The following KCNJ6 variants were observed in gnomAD, a reference collection of about 807,000 sequenced individuals.
The protein encoded by KCNJ6 is potassium inwardly rectifying channel subfamily J member 6.
A neutral mutation model predicts 34.2 loss-of-function variants in KCNJ6; 9 were observed. That is an observed-to-expected ratio of 0.26 (90% CI 0.16 to 0.46). The LOEUF is 0.46. Among genes scored for constraint, KCNJ6 ranks in the 20% least tolerant of loss-of-function variants. KCNJ6 has a pLI of 1.00. For synonymous variants in KCNJ6, 196 were observed against 207.1 expected (o/e 0.95, Z 0.46); for missense variants, 236 against 531.3 (o/e 0.44, Z 5.46).
intron 2 of KCNJ6, among the ~76,000 whole-genome samples, chr21:37,785,908 C>T (rs1227475932): frequency 1.3e-5 from 2 of 152,228 alleles, no homozygotes; most frequent in East Asian, 3.9e-4. Flanking sequence ...CATTTGAGGA[C>T]ACAGTGGGAA....
rs2054252027 is a variant in KCNJ6, at chr21:37,613,993, A to G, written c.*11166T>C. 1.3e-5 allele frequency: 2 copies of G among 152,218 alleles called. No homozygotes were observed. The highest frequency in any genetic ancestry group is 4.1e-4 in the South Asian group (2 of 4,826). The allele number at this position is 152,218 out of a possible 1,614,324, so 9.4% of individuals were successfully genotyped here. A position where few individuals can be genotyped will look rare whatever the true frequency, so the allele number is the denominator to read the frequency against. ...ATATCACTCGTGGGGGCGGCCATGC[A>G]TGCGGGGGCCGGGGGTAAATGAGAG... On this transcript the variant is annotated 3_prime_UTR_variant, in exon 4 of 4. Coordinates refer to ENST00000609713, the MANE Select transcript of KCNJ6 (RefSeq NM_002240.5).
intron 2 of KCNJ6, among the ~76,000 whole-genome samples, chr21:37,748,425 A>G (rs1331729850): frequency 1.3e-5 from 2 of 152,140 alleles, no homozygotes; most frequent in African/African-American, 4.8e-5. Flanking sequence ...GAGGACTGGG[A>G]TCCATGGTTC....
chr21:37,837,407 T>A (rs1334185251), intron 2 of KCNJ6, among the ~76,000 whole-genome samples: 1 of 152,208 alleles, frequency 6.6e-6, no homozygotes, highest in Admixed American at 6.5e-5. Flanking sequence ...AAAAAAATGA[T>A]CGAAGTTGAC....
At chr21:37,625,674 G>T (rs2054307670) in intron 3 of KCNJ6, among the ~76,000 whole-genome samples, 190 bp from the exon 4 acceptor site, 1 of 152,236 alleles carries the variant, frequency 6.6e-6, no homozygotes, top group Non-Finnish European at 1.5e-5. Context: ...GGCCTCTTAA[G>T]GGAGTCCTGG....
intron 3 of KCNJ6, among the ~76,000 whole-genome samples, chr21:37,636,098 G>A (rs1395982190): frequency 6.6e-6 from 1 of 152,174 alleles, no homozygotes; most frequent in Non-Finnish European, 1.5e-5. Context: ...GGAGAGGATG[G>A]ACACCCATCT....
intron 3 of KCNJ6, among the ~76,000 whole-genome samples, chr21:37,664,792 C>CTT (rs10594512): frequency 2.6e-4 from 26 of 100,968 alleles, no homozygotes; most frequent in Non-Finnish European, 3.3e-4. Flanking sequence ...AAGAATATTC[C>CTT]TTTTTTTTTT....
intron 3 of KCNJ6, among the ~76,000 whole-genome samples, chr21:37,713,103 C>T (rs1458209511): frequency 6.6e-6 from 1 of 152,080 alleles, no homozygotes; most frequent in African/African-American, 2.4e-5. Context: ...GAGGTTGTGA[C>T]CTTGCCTGTT....
At chr21:37,690,816 G>A (rs2054636360) in intron 3 of KCNJ6, among the ~76,000 whole-genome samples, 1 of 132,874 alleles carries the variant, frequency 7.5e-6, no homozygotes, top group Non-Finnish European at 1.6e-5. Context: ...GTCTTGCTCT[G>A]TTGCCCAGGC....
intron 2 of KCNJ6, among the ~76,000 whole-genome samples, chr21:37,749,237 G>A (rs73206038): frequency 3.0e-4 from 46 of 152,256 alleles, no homozygotes; most frequent in Non-Finnish European, 5.6e-4. Flanking sequence ...TTGCTCAGAG[G>A]GGGCAGAAGG....
At chr21:37,739,211 AT>A (rs1389233169) in intron 2 of KCNJ6, among the ~76,000 whole-genome samples, 19 of 152,256 alleles carry the variant, frequency 1.2e-4, no homozygotes, top group Admixed American at 1.3e-4. Context: ...GAAATAAAAT[AT>A]ATCATTATTT....
intron 2 of KCNJ6, among the ~76,000 whole-genome samples, chr21:37,725,250 G>T (rs2054848219): frequency 6.6e-6 from 1 of 152,092 alleles, no homozygotes; most frequent in South Asian, 2.1e-4. Flanking sequence ...AAAATTAGCT[G>T]GGCATGGTGG....
intron 2 of KCNJ6, among the ~76,000 whole-genome samples, chr21:37,825,585 C>CACTCCAAACACAT (rs1568862483): frequency 6.6e-6 from 1 of 152,162 alleles, no homozygotes; most frequent in Non-Finnish European, 1.5e-5. Flanking sequence ...ATGTTCTGAT[C>CACTCCAAACACAT]ACTGTTCTCC....
chr21:37,676,798 C>T (rs921955811), intron 3 of KCNJ6, among the ~76,000 whole-genome samples: 15 of 152,214 alleles, frequency 9.9e-5, no homozygotes, highest in African/African-American at 2.7e-4. Context: ...GCTTGCAAGG[C>T]GCAGGATGGC....
chr21:37,902,081 G>A (rs1338709821), intron 1 of KCNJ6, among the ~76,000 whole-genome samples: 2 of 152,168 alleles, frequency 1.3e-5, no homozygotes, highest in Non-Finnish European at 1.5e-5. Context: ...CAATCTCTCA[G>A]GCTCCTAGAA....
intron 1 of KCNJ6, among the ~76,000 whole-genome samples, chr21:37,870,450 T>C (rs1291790820): frequency 1.3e-5 from 2 of 152,098 alleles, no homozygotes; most frequent in African/African-American, 4.8e-5. Context: ...CCCAAACCCA[T>C]CCCAGAATTG....
chr21:37,908,401 T>C (rs1406715608), intron 1 of KCNJ6, among the ~76,000 whole-genome samples: 1 of 152,224 alleles, frequency 6.6e-6, no homozygotes, highest in African/African-American at 2.4e-5. Context: ...CAATGACTAT[T>C]AGTAGACTAA....
At chr21:37,694,145 G>A (rs1249501610) in intron 3 of KCNJ6, among the ~76,000 whole-genome samples, 5 of 152,210 alleles carry the variant, frequency 3.3e-5, no homozygotes, top group African/African-American at 9.6e-5. Flanking sequence ...GACAGAGGTG[G>A]TGTTCCCCAC....
intron 1 of KCNJ6, among the ~76,000 whole-genome samples, chr21:37,870,873 TG>T (rs1300492254): frequency 6.6e-6 from 1 of 152,204 alleles, no homozygotes; most frequent in East Asian, 1.9e-4. Context: ...AACTGTAGCT[TG>T]GCCTGACTAC....
At chr21:37,844,850 T>C (rs745364185) in intron 1 of KCNJ6, among the ~76,000 whole-genome samples, 12 of 152,184 alleles carry the variant, frequency 7.9e-5, no homozygotes, top group East Asian at 1.9e-4. Context: ...ACTGTATAAT[T>C]TGTTATGGCA....
Sources: allele counts gnomAD v4.1 joint callset (sites outside exome capture counted in the v4.1 genomes callset), GRCh38; gene constraint gnomAD v4.1.1; transcripts MANE v1.5; gene names NCBI Gene and HGNC (gene_info 2026-07-23, HGNC 2026-07-21).